ZNF292: variants seen among roughly 807,000 people sequenced by gnomAD.
ZNF292 encodes the protein zinc finger protein 292, also known as 16 zinc-finger domain protein.
In ZNF292, 26 loss-of-function variants were observed where a neutral mutation model predicts 217.9. That is an observed-to-expected ratio of 0.12 (90% CI 0.09 to 0.17). The LOEUF is 0.17. Ranked by LOEUF, ZNF292 falls within the 10% of genes least tolerant of loss-of-function variation. The pLI is 1.00. For synonymous variants in ZNF292, 1,257 were observed against 1,124.1 expected, an observed-to-expected ratio of 1.12 and a Z score of -2.37; for missense variants, 2,904 against 3,175.2, an observed-to-expected ratio of 0.91 and a Z score of 2.05.
At chr6:87,173,736 G>A (rs1381670300) in intron 1 of ZNF292, 3 of 152,686 alleles carry the variant, frequency 2.0e-5, no homozygotes, top group Non-Finnish European at 4.4e-5. Flanking sequence ...AGAGCTCTTG[G>A]GTTGTAAACT....
intron 5 of ZNF292, among the ~76,000 whole-genome samples, chr6:87,239,430 C>T (rs1562165427): frequency 6.8e-6 from 1 of 146,666 alleles, no homozygotes; most frequent in Non-Finnish European, 1.5e-5. Flanking sequence ...GGGTGGCTGG[C>T]CGGGCGGGGG....
At chr6:87,171,697 G>A (rs1771104620) in intron 1 of ZNF292, among the ~76,000 whole-genome samples, 1 of 152,060 alleles carries the variant, frequency 6.6e-6, no homozygotes, top group South Asian at 2.1e-4. Context: ...TCAAAGTCTG[G>A]TATGTATTTT....
chr6:87,225,819 A>G (rs879682284), intron 4 of ZNF292, among the ~76,000 whole-genome samples: 17 of 152,300 alleles, frequency 1.1e-4, no homozygotes, highest in Admixed American at 1.1e-3. Flanking sequence ...AGTAGAAGAA[A>G]TATACTTTTC....
chr6:87,168,620 C>T (rs1770991581), intron 1 of ZNF292, among the ~76,000 whole-genome samples: 1 of 152,058 alleles, frequency 6.6e-6, no homozygotes, highest in Non-Finnish European at 1.5e-5. Flanking sequence ...CAGGTGCGCA[C>T]CTCTGTGCCT....
rs774642356 is a variant in ZNF292, at chr6:87,260,909, T to G, written c.7280T>G (p.Phe2427Cys). The change falls in exon 8 of 8, where the codon TTC (phenylalanine) becomes TGC (cysteine). Residue 2427 changes from phenylalanine to cysteine, a missense_variant. Phe to Cys is a radical substitution (Grantham distance 205). This residue lies in a region of ZNF292 where 380 missense variants were observed against 355.3 expected (regional missense o/e 1.07). Coordinates refer to ENST00000369577, the MANE Select transcript of ZNF292 (RefSeq NM_015021.3). ...CAACACCGAAATCTTCTTATTGTAT[T>G]CAAACGGTGTTGCAACTCACAAGTA... Reference protein sequence around the residue: ...TSQHRNLLIVFKRCCNSQVKE... With the variant: ...TSQHRNLLIVCKRCCNSQVKE... 8.1e-6 allele frequency: 13 copies of G among 1,610,870 alleles called. No homozygotes were observed. Among genetic ancestry groups the G allele is most frequent in the Middle Eastern group, 3.3e-4 (2 of 6,060 alleles).
intron 1 of ZNF292, among the ~76,000 whole-genome samples, chr6:87,179,648 A>G (rs1489920103): frequency 3.3e-5 from 5 of 152,170 alleles, no homozygotes; most frequent in Non-Finnish European, 7.4e-5. Flanking sequence ...TTCGGCTTAT[A>G]TAGTTTTTCA....
chr6:87,238,102 G>A (rs1417766678), intron 5 of ZNF292, among the ~76,000 whole-genome samples: 1 of 152,128 alleles, frequency 6.6e-6, no homozygotes, highest in Non-Finnish European at 1.5e-5. Context: ...GAAGTTTGCT[G>A]TGTTACTGAA....
chr6:87,261,947 T>C lies in ZNF292; in HGVS notation c.*146T>C. Reference sequence around the variant, plus strand: ...AAAAACAAAAAAGAAAAAAAAAACATGACATTTGTCATGTAAAACTTTTTT... The same window carrying C: ...AAAAACAAAAAAGAAAAAAAAAACACGACATTTGTCATGTAAAACTTTTTT... On this transcript the variant is annotated 3_prime_UTR_variant, in exon 8 of 8. Transcript: ENST00000369577. 1 of 574,248 alleles carries C rather than the reference T, an allele frequency of 1.7e-6. No individual in the cohort carries two copies. Among genetic ancestry groups the C allele is most frequent in the Non-Finnish European group, 2.7e-6 (1 of 365,808 alleles). The allele number at this position is 574,248 out of a possible 1,614,324, so 35.6% of individuals were successfully genotyped here.
Position 87,256,063 on chromosome 6 carries a change from A to G in ZNF292, c.2434A>G (p.Thr812Ala). 1 of 1,611,904 alleles carries G rather than the reference A, an allele frequency of 6.2e-7. No individual in the cohort carries two copies. Among genetic ancestry groups the G allele is most frequent in the Non-Finnish European group, 8.5e-7 (1 of 1,178,830 alleles). The change falls in exon 8 of 8, where the codon ACA (threonine) becomes GCA (alanine). Residue 812 changes from threonine (T) to alanine (A), a missense_variant. Physicochemically the swap from Thr to Ala is moderately conservative, Grantham distance 58. This residue lies in a region of ZNF292 where 216 missense variants were observed against 308.3 expected (regional missense o/e 0.70). Coordinates refer to ENST00000369577, the MANE Select transcript of ZNF292 (RefSeq NM_015021.3). The part of the protein sequence containing the change: ...QHYNTYTCKF[T>A]GCGKVYRSQG... ...TTATAATACGTACACTTGTAAGTTC[A>G]CAGGTTGTGGTAAAGTTTATCGTTC...
rs531730020 is a variant in ZNF292, at chr6:87,188,722, T to C, written c.169-27181T>C. 2.9e-3 allele frequency among the ~76,000 whole-genome samples: 431 copies of C among 149,256 alleles called. 1 individual carries two copies. Among genetic ancestry groups the C allele is most frequent in the African/African-American group, 9.8e-3 (399 of 40,696 alleles). On this transcript the variant is annotated intron_variant, in intron 1 of 7. Transcript: ENST00000369577. ...AATATATAGCCAGCCGTAGTAATTT[T>C]TTTTTATTAAACAGTTTAATTCACT...
At chr6:87,217,669 T>C (rs920657080) in intron 3 of ZNF292, among the ~76,000 whole-genome samples, 3 of 152,132 alleles carry the variant, frequency 2.0e-5, no homozygotes, top group Admixed American at 2.0e-4. Context: ...AGATGGATTA[T>C]GAAGGAAGTA....
intron 7 of ZNF292, among the ~76,000 whole-genome samples, chr6:87,247,398 A>G (rs866941591): frequency 1.1e-3 from 163 of 152,266 alleles, no homozygotes; most frequent in African/African-American, 3.9e-3. Context: ...TCTAACACAT[A>G]TGGATGGTAG....
chr6:87,175,927 C>A (rs896932938), intron 1 of ZNF292, among the ~76,000 whole-genome samples: 2 of 152,098 alleles, frequency 1.3e-5, no homozygotes, highest in Non-Finnish European at 2.9e-5. Context: ...CTAGACTTAC[C>A]TTCAATTTAT....
chr6:87,226,578 A>C (rs75115497), intron 4 of ZNF292, among the ~76,000 whole-genome samples: 20 of 147,990 alleles, frequency 1.4e-4, no homozygotes, highest in Admixed American at 4.0e-4. Context: ...TTTTAAACGC[A>C]CTCTTTGGTT....
At position 87,261,538 on chromosome 6, in the gene ZNF292, A is replaced by G; in HGVS notation, c.7909A>G (p.Thr2637Ala). ...AAAAAATATTGATAAGACTGCTGTG[A>G]CTAGTGGAAATCATGTATGTCCTTG... ...SRKNIDKTAV[T>A]SGNHVCPCKE... Residue 2637 changes from threonine (T) to alanine (A), a missense_variant, in exon 8 of 8, where the codon ACT becomes GCT. Coordinates refer to ENST00000369577, the MANE Select transcript of ZNF292 (RefSeq NM_015021.3). The G allele has an allele frequency of 6.2e-7, 1 of 1,609,494 alleles. No homozygotes were observed. Among genetic ancestry groups the G allele is most frequent in the Non-Finnish European group, 8.5e-7 (1 of 1,177,614 alleles).
chr6:87,166,623 A>G (rs562698318), intron 1 of ZNF292, among the ~76,000 whole-genome samples: 1 of 152,282 alleles, frequency 6.6e-6, no homozygotes, highest in African/African-American at 2.4e-5. Context: ...TTGCTCTGAG[A>G]GTTACTTTTG....
chr6:87,169,369 T>C lies in ZNF292; in HGVS notation c.168+13610T>C, dbSNP rs543158678. 7.9e-5 allele frequency among the ~76,000 whole-genome samples: 12 copies of C among 151,878 alleles called. No homozygotes were observed. The East Asian group carries it at 2.3e-3, about 29-fold the overall frequency. ...TTTTTTTTTTCCAGTGTATTTTCCA[T>C]CGAGTTTTGTTGAATCTATGGGTAT... On this transcript the variant is annotated intron_variant, in intron 1 of 7. Coordinates refer to ENST00000369577, the MANE Select transcript of ZNF292 (RefSeq NM_015021.3).
chr6:87,173,095 A>T (rs986626676), intron 1 of ZNF292, among the ~76,000 whole-genome samples: 2 of 152,102 alleles, frequency 1.3e-5, no homozygotes, highest in Non-Finnish European at 2.9e-5. Context: ...GAAAGATGGA[A>T]GAGTTGAGAG....
At position 87,182,525 on chromosome 6, in the gene ZNF292, A is replaced by C. The variant is rs571693134; in HGVS notation, c.168+26766A>C. Reference sequence around the variant, plus strand: ...GGGTTGGTGAGGCAGAGAGACCAGAAGATGAACTATTGTGACTAATTTATT... The same window carrying C: ...GGGTTGGTGAGGCAGAGAGACCAGACGATGAACTATTGTGACTAATTTATT... On this transcript the variant is annotated intron_variant, in intron 1 of 7. Transcript: ENST00000369577. 2.6e-5 allele frequency among the ~76,000 whole-genome samples: 4 copies of C among 152,346 alleles called. No homozygotes were observed. The South Asian group carries it at 8.3e-4, about 32-fold the overall frequency.
Sources: allele counts gnomAD v4.1 joint callset (sites outside exome capture counted in the v4.1 genomes callset), GRCh38; gene constraint gnomAD v4.1.1; regional missense constraint gnomAD v4.1.1; transcripts MANE v1.5; gene names NCBI Gene and HGNC (gene_info 2026-07-23, HGNC 2026-07-21).